CALN1: variants seen among roughly 807,000 people sequenced by gnomAD.
CALN1 encodes calneuron 1.
CALN1 carries 17 observed loss-of-function variants against 30.6 expected under a neutral mutation model. That is an observed-to-expected ratio of 0.56 (90% CI 0.38 to 0.83). The LOEUF (loss-of-function observed/expected upper bound fraction) is 0.83. CALN1 is among the 40% of genes least tolerant of loss of function. CALN1 has a pLI of 0.00. For synonymous variants in CALN1, 156 were observed against 131.4 expected, an observed-to-expected ratio of 1.19 and a Z score of -1.28; for missense variants, 291 against 354.9, an observed-to-expected ratio of 0.82 and a Z score of 1.45.
At chr7:72,182,399 A>G (rs1233544633) in intron 3 of CALN1, among the ~76,000 whole-genome samples, 1 of 152,196 alleles carries the variant, frequency 6.6e-6, no homozygotes, top group Non-Finnish European at 1.5e-5. Flanking sequence ...AGGAAGGGAA[A>G]TATCAGTTGG....
chr7:72,315,834 T>C lies in CALN1; in HGVS notation c.120-37024A>G, dbSNP rs867263105. On this transcript the variant is annotated intron_variant, in intron 2 of 6. Coordinates refer to ENST00000395275, the MANE Select transcript of CALN1 (RefSeq NM_031468.4). ...AAGCTTGAAGAAAGTCTGCAAATTG[T>C]GGACCTGATAATTCCTCTTCTAAGA... Among the ~76,000 whole-genome samples the C allele has an allele frequency of 2.6e-5, 4 of 152,284 alleles. 1 individual carries two copies. The Middle Eastern group carries it at 0.01, about 388-fold the overall frequency.
chr7:72,380,898 G>A (rs1804860038), intron 2 of CALN1, among the ~76,000 whole-genome samples: 1 of 152,134 alleles, frequency 6.6e-6, no homozygotes, highest in Non-Finnish European at 1.5e-5. Flanking sequence ...CACCCTAAAA[G>A]GATGCAGGAA....
At chr7:71,835,782 G>A (rs1051105722) in intron 5 of CALN1, among the ~76,000 whole-genome samples, 1 of 152,190 alleles carries the variant, frequency 6.6e-6, no homozygotes, top group Non-Finnish European at 1.5e-5. Context: ...GACCCCACTA[G>A]AGTTGGCACT....
In CALN1 at chr7:71,928,312, C is replaced by A. The variant is rs187124367; in HGVS notation, c.501+95345G>T. ...ACTGTATGGCACCTGGCATCTCTAC[C>A]TCCTTGGTTTCCCATAGATGACTCA... On this transcript the variant is annotated intron_variant, in intron 5 of 6. Transcript: ENST00000395275. Among the ~76,000 whole-genome samples the A allele has an allele frequency of 3.0e-4, 46 of 152,234 alleles. No individual in the cohort carries two copies. The East Asian group carries it at 7.5e-3, about 25-fold the overall frequency.
At chr7:72,073,148 A>C (rs2129538216) in intron 4 of CALN1, among the ~76,000 whole-genome samples, 1 of 152,346 alleles carries the variant, frequency 6.6e-6, no homozygotes, top group African/African-American at 2.4e-5. Context: ...AGCCACTCAT[A>C]AAAAGACAAA....
At chr7:72,152,271 G>A (rs887663576) in intron 3 of CALN1, among the ~76,000 whole-genome samples, 5 of 152,168 alleles carry the variant, frequency 3.3e-5, no homozygotes, top group African/African-American at 1.2e-4. Context: ...CCTATGGGGA[G>A]ACCAGGGTTC....
In CALN1 at chr7:72,132,491, A is replaced by G. The variant is rs117737994; in HGVS notation, c.245-26197T>C. 1.8e-3 allele frequency among the ~76,000 whole-genome samples: 277 copies of G among 152,266 alleles called. 4 individuals are homozygous for G. The East Asian group carries it at 0.037, about 21-fold the overall frequency. On this transcript the variant is annotated intron_variant, in intron 3 of 6. Transcript: ENST00000395275. Reference sequence around the variant, plus strand: ...GACCATTTGAAGTTAGTTCATTTTCATTACTATAGAACATTCCATCTCCAG... The same window carrying G: ...GACCATTTGAAGTTAGTTCATTTTCGTTACTATAGAACATTCCATCTCCAG...
intron 3 of CALN1, among the ~76,000 whole-genome samples, chr7:72,122,982 G>A (rs774524349): frequency 4.6e-5 from 7 of 152,158 alleles, no homozygotes; most frequent in Non-Finnish European, 7.3e-5. Flanking sequence ...TAGAGACCAC[G>A]GCAATGGGAT....
At chr7:71,898,993 G>C (rs1397262076) in intron 5 of CALN1, among the ~76,000 whole-genome samples, 2 of 152,240 alleles carry the variant, frequency 1.3e-5, no homozygotes, top group East Asian at 3.9e-4. Flanking sequence ...TAGAAGCTAA[G>C]AGACTAAGGT....
At chr7:72,433,442 C>T (rs1808043169) in intron 1 of CALN1, among the ~76,000 whole-genome samples, 1 of 152,128 alleles carries the variant, frequency 6.6e-6, no homozygotes, top group African/African-American at 2.4e-5. Context: ...TTTTTCAGTT[C>T]GCCATGGATC....
intron 2 of CALN1, among the ~76,000 whole-genome samples, chr7:72,288,194 C>T (rs930448336): frequency 6.6e-6 from 1 of 152,072 alleles, no homozygotes; most frequent in Non-Finnish European, 1.5e-5. Context: ...CAAGATGGTG[C>T]ACTCACATAG....
intron 5 of CALN1, among the ~76,000 whole-genome samples, chr7:71,842,410 C>T (rs1789989947): frequency 1.3e-5 from 2 of 152,224 alleles, no homozygotes; most frequent in African/African-American, 4.8e-5. Flanking sequence ...TTCTTAGAGA[C>T]AGAATCCATT....
chr7:72,340,038 C>A (rs1296466021), intron 2 of CALN1, among the ~76,000 whole-genome samples: 1 of 152,188 alleles, frequency 6.6e-6, no homozygotes, highest in Non-Finnish European at 1.5e-5. Context: ...CCCCATTAAA[C>A]TGATCGACTA....
intron 2 of CALN1, among the ~76,000 whole-genome samples, chr7:72,361,300 T>C (rs537651716): frequency 5.3e-5 from 8 of 152,082 alleles, no homozygotes; most frequent in Non-Finnish European, 1.0e-4. Context: ...GTATTTTGAA[T>C]ACCACCTACT....
chr7:71,853,099 C>T (rs374428231), intron 5 of CALN1, among the ~76,000 whole-genome samples: 4 of 150,830 alleles, frequency 2.7e-5, no homozygotes, highest in South Asian at 2.1e-4. Context: ...TTTTTTGAGA[C>T]GGCATCTCAC....
intron 6 of CALN1, among the ~76,000 whole-genome samples, chr7:71,790,421 AAAG>A (rs1735650540): frequency 1.3e-5 from 2 of 151,346 alleles, no homozygotes; most frequent in African/African-American, 2.4e-5. Context: ...AGAAAGAAAG[AAAG>A]AAGCAAGCAA....
chr7:72,463,115 T>C, the CALN1 span, among the ~76,000 whole-genome samples: 1 of 118,710 alleles, frequency 8.4e-6, no homozygotes, highest in African/African-American at 5.2e-5. Flanking sequence ...CTTTGCATTT[T>C]TATTTATTTA....
the CALN1 span, among the ~76,000 whole-genome samples, chr7:72,459,972 G>A: frequency 9.2e-5 from 14 of 152,194 alleles, no homozygotes; most frequent in African/African-American, 3.4e-4. Context: ...TCTGCAGGCT[G>A]TATAAGAAGC....
chr7:72,308,779 G>C (rs1799839685), intron 2 of CALN1, among the ~76,000 whole-genome samples: 1 of 152,098 alleles, frequency 6.6e-6, no homozygotes, highest in South Asian at 2.1e-4. Context: ...CTCAAGGTCG[G>C]TGGGGGCAGA....
Sources: allele counts gnomAD v4.1 joint callset (sites outside exome capture counted in the v4.1 genomes callset), GRCh38; gene constraint gnomAD v4.1.1; transcripts MANE v1.5; gene names NCBI Gene and HGNC (gene_info 2026-07-23, HGNC 2026-07-21).